EYA1: variants seen among roughly 807,000 people sequenced by gnomAD.
EYA1 encodes the protein EYA transcriptional coactivator and phosphatase 1.
In EYA1, 16 loss-of-function variants were observed where a neutral mutation model predicts 82.0. That is an observed-to-expected ratio of 0.20 (90% confidence interval 0.13 to 0.30). The LOEUF (loss-of-function observed/expected upper bound fraction) is 0.30. Ranked by LOEUF, EYA1 falls within the 10% of genes least tolerant of loss-of-function variation. The pLI, the probability that EYA1 is intolerant of heterozygous loss-of-function variation, is 1.00. For synonymous variants in EYA1, 261 were observed against 264.4 expected (o/e 0.99, Z 0.12); for missense variants, 633 against 730.7 (o/e 0.87, Z 1.54).
intron 7 of EYA1, among the ~76,000 whole-genome samples, chr8:71,314,821 A>G (rs892422044): frequency 6.6e-6 from 1 of 152,226 alleles, no homozygotes; most frequent in Non-Finnish European, 1.5e-5. Flanking sequence ...TAAGGGATGA[A>G]TAAAAACACA....
At chr8:71,530,798 C>T (rs189580700) in intron 2 of EYA1, 2 of 152,312 alleles carry the variant, frequency 1.3e-5, no homozygotes, top group Admixed American at 6.5e-5. Flanking sequence ...TCTTGCAAAA[C>T]CCAGCATCTC....
intron 2 of EYA1, among the ~76,000 whole-genome samples, chr8:71,458,386 G>C (rs73298363): frequency 3.3e-5 from 5 of 151,844 alleles, no homozygotes; most frequent in African/African-American, 1.2e-4. Flanking sequence ...TGTGTATGTA[G>C]ATTTTTTTTT....
chr8:71,499,540 G>A (rs1427861512), intron 2 of EYA1, among the ~76,000 whole-genome samples: 1 of 152,106 alleles, frequency 6.6e-6, no homozygotes, highest in African/African-American at 2.4e-5. Context: ...TGAGGCAAAT[G>A]AAAACAAGCA....
At chr8:71,507,366 G>A (rs998649509) in intron 2 of EYA1, among the ~76,000 whole-genome samples, 8 of 152,062 alleles carry the variant, frequency 5.3e-5, no homozygotes, top group Non-Finnish European at 1.2e-4. Context: ...AAATCACATT[G>A]AGATATAATT....
chr8:71,433,491 C>A (rs986003117), intron 2 of EYA1, among the ~76,000 whole-genome samples: 2 of 152,154 alleles, frequency 1.3e-5, no homozygotes, highest in Admixed American at 6.5e-5. Context: ...GCACAATAGA[C>A]CATAGTTTCC....
intron 7 of EYA1, among the ~76,000 whole-genome samples, chr8:71,302,109 C>T (rs1820263414): frequency 6.6e-6 from 1 of 151,944 alleles, no homozygotes; most frequent in Non-Finnish European, 1.5e-5. Context: ...GAAACTTCAG[C>T]TATTATATGC....
At chr8:71,455,202 C>T (rs1807779810) in intron 2 of EYA1, among the ~76,000 whole-genome samples, 1 of 152,078 alleles carries the variant, frequency 6.6e-6, no homozygotes, top group Non-Finnish European at 1.5e-5. Flanking sequence ...CAAGACTACA[C>T]CAGGAAGAAG....
intron 12 of EYA1, among the ~76,000 whole-genome samples, chr8:71,227,527 A>C (rs1810701361): frequency 6.6e-6 from 1 of 152,214 alleles, no homozygotes; most frequent in Non-Finnish European, 1.5e-5. Context: ...GCTTTCTTTT[A>C]ACTTTCATGG....
At chr8:71,287,130 GA>G (rs965812689) in intron 9 of EYA1, among the ~76,000 whole-genome samples, 39 of 150,534 alleles carry the variant, frequency 2.6e-4, no homozygotes, top group African/African-American at 9.3e-4. Flanking sequence ...TGGCATAAAA[GA>G]AAAAAAAGGA....
At chr8:71,532,557 T>C (rs188268423) in intron 2 of EYA1, among the ~76,000 whole-genome samples, 115 of 152,298 alleles carry the variant, frequency 7.6e-4, no homozygotes, top group Middle Eastern at 3.4e-3. Context: ...TAATAGCACA[T>C]GTTGAGAGTT....
At chr8:71,338,343 T>C (rs1824736271) in intron 3 of EYA1, among the ~76,000 whole-genome samples, 1 of 152,244 alleles carries the variant, frequency 6.6e-6, no homozygotes, top group Admixed American at 6.5e-5. Flanking sequence ...AACAGGCTAA[T>C]AGAAGGAGAA....
chr8:71,469,196 A>T (rs1808999319), intron 2 of EYA1, among the ~76,000 whole-genome samples: 1 of 152,146 alleles, frequency 6.6e-6, no homozygotes, highest in African/African-American at 2.4e-5. Context: ...AAGTTGCTCA[A>T]ATCTTAGGAG....
At chr8:71,503,667 C>T (rs1401729417) in intron 2 of EYA1, among the ~76,000 whole-genome samples, 2 of 152,204 alleles carry the variant, frequency 1.3e-5, no homozygotes, top group Non-Finnish European at 2.9e-5. Context: ...CTAGGAATAA[C>T]TACTTCTTCG....
chr8:71,510,165 T>C (rs1812488286), intron 2 of EYA1, among the ~76,000 whole-genome samples: 1 of 152,180 alleles, frequency 6.6e-6, no homozygotes, highest in Non-Finnish European at 1.5e-5. Context: ...TGTACTCATT[T>C]TCATACTTTA....
intron 2 of EYA1, among the ~76,000 whole-genome samples, chr8:71,400,659 G>T (rs1218020462): frequency 1.3e-5 from 2 of 152,164 alleles, no homozygotes; most frequent in African/African-American, 4.8e-5. Context: ...AGGCTGTGGA[G>T]CAATAGGAAT....
At chr8:71,536,949 A>T (rs564111269) in intron 1 of EYA1, among the ~76,000 whole-genome samples, 106 of 152,366 alleles carry the variant, frequency 7.0e-4, no homozygotes, top group Middle Eastern at 3.4e-3. Flanking sequence ...GAAATTTTAA[A>T]TGAATATCTT....
At chr8:71,206,404 T>G (rs1452826633) in intron 17 of EYA1, among the ~76,000 whole-genome samples, 1 of 152,022 alleles carries the variant, frequency 6.6e-6, no homozygotes, top group East Asian at 1.9e-4. Flanking sequence ...GTACTTTTTG[T>G]AGAGACGGGT....
intron 11 of EYA1, among the ~76,000 whole-genome samples, chr8:71,246,556 A>G (rs1000210430): frequency 1.3e-5 from 2 of 152,168 alleles, no homozygotes; most frequent in African/African-American, 2.4e-5. Flanking sequence ...ATGCCTGTTA[A>G]GTTTGGGAAG....
chr8:71,332,006 C>A (rs1340373725), intron 4 of EYA1, among the ~76,000 whole-genome samples: 1 of 152,040 alleles, frequency 6.6e-6, no homozygotes, highest in Non-Finnish European at 1.5e-5. Flanking sequence ...TGCCACCACG[C>A]CCAGCTAATT....
Sources: gnomAD v4.1 joint callset for allele counts (sites outside exome capture counted in the v4.1 genomes callset) on GRCh38, gnomAD v4.1.1 for gene constraint, MANE v1.5 for transcripts, NCBI Gene and HGNC (gene_info 2026-07-23, HGNC 2026-07-21) for gene names.